Variants in FAF1 observed in about 807,000 individuals in gnomAD.
The protein encoded by FAF1 is FAS-associated factor 1.
FAF1 carries 25 observed loss-of-function variants against 92.5 expected under a neutral mutation model. That is an observed-to-expected ratio of 0.27 (90% CI 0.20 to 0.38). The LOEUF (loss-of-function observed/expected upper bound fraction) is 0.38. FAF1 is among the 10% of genes least tolerant of loss of function. The pLI is 1.00. For missense variants in FAF1, 636 were observed against 793.3 expected (o/e 0.80, Z 2.38); for synonymous variants, 234 against 273.2 (o/e 0.86, Z 1.42).
intron 1 of FAF1, among the ~76,000 whole-genome samples, chr1:50,888,094 G>T (rs531261742): frequency 6.6e-6 from 1 of 152,024 alleles, no homozygotes; most frequent in Non-Finnish European, 1.5e-5. Context: ...GGTCCTTCAC[G>T]TCCCTTGTAA....
chr1:50,481,551 T>C (rs1348536822), intron 17 of FAF1, among the ~76,000 whole-genome samples: 1 of 152,192 alleles, frequency 6.6e-6, no homozygotes, highest in Non-Finnish European at 1.5e-5. Flanking sequence ...TAGCAGGCTA[T>C]ACTATCTATG....
intron 2 of FAF1, among the ~76,000 whole-genome samples, chr1:50,825,039 C>T (rs1644082972): frequency 6.6e-6 from 1 of 151,982 alleles, no homozygotes; most frequent in Non-Finnish European, 1.5e-5. Flanking sequence ...TATTCAATAA[C>T]ACAACAGAGT....
At chr1:50,934,399 G>C (rs1645070734) in intron 1 of FAF1, among the ~76,000 whole-genome samples, 1 of 152,058 alleles carries the variant, frequency 6.6e-6, no homozygotes. Context: ...GCAGGTCTGT[G>C]GGCAACAGAT....
At chr1:50,691,092 T>C (rs1458096922) in intron 7 of FAF1, among the ~76,000 whole-genome samples, 1 of 152,130 alleles carries the variant, frequency 6.6e-6, no homozygotes, top group Non-Finnish European at 1.5e-5. Context: ...TATCTAGGAG[T>C]AGAATTGCTG....
At chr1:50,503,424 C>A (rs933269964) in intron 15 of FAF1, among the ~76,000 whole-genome samples, 6 of 151,888 alleles carry the variant, frequency 4.0e-5, no homozygotes, top group African/African-American at 1.5e-4. Flanking sequence ...TTGAGAACAG[C>A]CTAGGCAACA....
intron 1 of FAF1, among the ~76,000 whole-genome samples, chr1:50,905,415 G>T (rs1460936443): frequency 6.6e-6 from 1 of 152,190 alleles, no homozygotes; most frequent in Non-Finnish European, 1.5e-5. Flanking sequence ...TGGGATGGCT[G>T]GGTCAAATGG....
chr1:50,716,656 A>T (rs1054108117), intron 6 of FAF1, among the ~76,000 whole-genome samples: 1 of 152,222 alleles, frequency 6.6e-6, no homozygotes, highest in African/African-American at 2.4e-5. Flanking sequence ...AAAACGCACC[A>T]ATCAGTGCTC....
At chr1:50,457,932 G>A (rs991795963) in intron 18 of FAF1, among the ~76,000 whole-genome samples, 38 of 150,178 alleles carry the variant, frequency 2.5e-4, no homozygotes, top group Non-Finnish European at 4.3e-4. Context: ...AAAGGTTATC[G>A]ACCGGGCGCG....
intron 4 of FAF1, among the ~76,000 whole-genome samples, chr1:50,746,298 T>A (rs1473454259): frequency 1.4e-3 from 77 of 54,888 alleles, no homozygotes; most frequent in East Asian, 3.3e-3. Flanking sequence ...ATATATTTTT[T>A]TTTTTTTTTT....
At chr1:50,952,308 C>T (rs1418419080) in intron 1 of FAF1, among the ~76,000 whole-genome samples, 2 of 152,252 alleles carry the variant, frequency 1.3e-5, no homozygotes, top group Admixed American at 6.5e-5. Context: ...CGGGTTTTCG[C>T]CGTGTTGGCC....
chr1:50,762,592 G>A (rs1660373258), intron 4 of FAF1, among the ~76,000 whole-genome samples: 1 of 152,150 alleles, frequency 6.6e-6, no homozygotes, highest in Non-Finnish European at 1.5e-5. Context: ...AATGGAGAAA[G>A]GATTCCCTAT....
chr1:50,911,611 G>C (rs1372364460), intron 1 of FAF1, among the ~76,000 whole-genome samples: 1 of 151,848 alleles, frequency 6.6e-6, no homozygotes, highest in African/African-American at 2.4e-5. Flanking sequence ...TCATGAGAAT[G>C]GCTTGAACCC....
intron 4 of FAF1, among the ~76,000 whole-genome samples, chr1:50,766,092 CA>C (rs1002071744): frequency 5.5e-5 from 8 of 145,240 alleles, no homozygotes; most frequent in South Asian, 2.2e-4. Context: ...AACTCTGTCT[CA>C]AAAAAAAAAG....
intron 8 of FAF1, among the ~76,000 whole-genome samples, chr1:50,608,415 G>C (rs1035991014): frequency 6.6e-6 from 1 of 152,186 alleles, no homozygotes; most frequent in African/African-American, 2.4e-5. Context: ...GGACCCAAAG[G>C]AGGGGAAAGC....
intron 1 of FAF1, among the ~76,000 whole-genome samples, chr1:50,952,319 G>A (rs972712652): frequency 9.8e-5 from 15 of 152,352 alleles, no homozygotes; most frequent in African/African-American, 2.4e-4. Flanking sequence ...CGTGTTGGCC[G>A]GGCTGGTTTC....
chr1:50,922,733 C>T (rs190412585), intron 1 of FAF1, among the ~76,000 whole-genome samples: 1 of 147,006 alleles, frequency 6.8e-6, no homozygotes, highest in African/African-American at 2.5e-5. Context: ...GCAGGAGAAT[C>T]ACTTGAACCC....
At chr1:50,530,238 GGTGTGT>G (rs72220248) in intron 15 of FAF1, among the ~76,000 whole-genome samples, 3,202 of 141,654 alleles carry the variant, frequency 0.023, 89 homozygotes, top group African/African-American at 0.072. Flanking sequence ...TTTAAGAAGT[GGTGTGT>G]GTGTGTGTGT....
intron 9 of FAF1, among the ~76,000 whole-genome samples, chr1:50,586,493 C>A (rs933138403): frequency 6.6e-6 from 1 of 152,176 alleles, no homozygotes; most frequent in African/African-American, 2.4e-5. Context: ...GAATCATAAT[C>A]ATATTTTCCC....
chr1:50,573,109 CTT>C (rs111946633), intron 12 of FAF1, among the ~76,000 whole-genome samples: 22 of 143,032 alleles, frequency 1.5e-4, no homozygotes, highest in Admixed American at 2.1e-4. Flanking sequence ...TTTTTCTTTT[CTT>C]TTTTTTTTTT....
Sources: gnomAD v4.1 joint callset for allele counts (sites outside exome capture counted in the v4.1 genomes callset) on GRCh38, gnomAD v4.1.1 for gene constraint, MANE v1.5 for transcripts, NCBI Gene and HGNC (gene_info 2026-07-23, HGNC 2026-07-21) for gene names.